Variants in ADAMTSL1 observed in about 807,000 individuals in gnomAD.
ADAMTSL1 encodes ADAMTS-like protein 1.
In ADAMTSL1, 126 loss-of-function variants were observed where a neutral mutation model predicts 201.8. The observed-to-expected ratio is 0.62, with a 90% CI of 0.54 to 0.72. The LOEUF (loss-of-function observed/expected upper bound fraction) is 0.72. ADAMTSL1 is among the 30% of genes least tolerant of loss of function. The pLI, the probability that ADAMTSL1 is intolerant of heterozygous loss-of-function variation, is 0.00. For missense variants in ADAMTSL1, 2,679 were observed against 2,277.8 expected, an observed-to-expected ratio of 1.18 and a Z score of -3.59; for synonymous variants, 1,121 against 903.4, an observed-to-expected ratio of 1.24 and a Z score of -4.32.
At chr9:18,386,643 A>G (rs561891723) in intron 2 of ADAMTSL1, among the ~76,000 whole-genome samples, 3 of 152,196 alleles carry the variant, frequency 2.0e-5, no homozygotes, top group South Asian at 4.1e-4. Context: ...TATTCCTTAT[A>G]TGCTTACCTA....
chr9:18,389,137 A>G (rs956926990), intron 2 of ADAMTSL1, among the ~76,000 whole-genome samples: 1 of 151,714 alleles, frequency 6.6e-6, no homozygotes, highest in Non-Finnish European at 1.5e-5. Context: ...CTTAAATGAT[A>G]TAGAGATCTC....
chr9:18,099,323 GA>G (rs1824387402), intron 1 of ADAMTSL1, among the ~76,000 whole-genome samples: 1 of 63,686 alleles, frequency 1.6e-5, no homozygotes. Context: ...GCTGCAAATG[GA>G]AAATATATAT....
chr9:18,643,180 T>G (rs1267467437), intron 7 of ADAMTSL1, among the ~76,000 whole-genome samples: 1 of 152,112 alleles, frequency 6.6e-6, no homozygotes, highest in Non-Finnish European at 1.5e-5. Flanking sequence ...TTAATGATGT[T>G]GAGCATTTTT....
chr9:17,928,506 T>C (rs967135006), intron 1 of ADAMTSL1, among the ~76,000 whole-genome samples: 3 of 152,216 alleles, frequency 2.0e-5, no homozygotes, highest in Non-Finnish European at 2.9e-5. Context: ...GGAGGATTCT[T>C]GTGTTTAGTC....
rs79897491 is a variant in ADAMTSL1 at position 18,833,177 on chromosome 9, A to C, written c.4249+3200A>C. Among the ~76,000 whole-genome samples the C allele has an allele frequency of 4.4e-3, 672 of 152,360 alleles. 31 individuals carry two copies. In the East Asian group the frequency reaches 0.094, roughly 21 times the overall value. On this transcript the variant is annotated intron_variant, in intron 23 of 28. Transcript: ENST00000380548. ...ATAAAAATGAAACCTTGGGACTAGCAAGTGCTTGTTGCTCTCATACTCTTG... is the reference window on the plus strand; with the variant it reads ...ATAAAAATGAAACCTTGGGACTAGCCAGTGCTTGTTGCTCTCATACTCTTG...
At chr9:18,842,016 G>GT (rs1413115308) in intron 23 of ADAMTSL1, among the ~76,000 whole-genome samples, 8 of 151,254 alleles carry the variant, frequency 5.3e-5, no homozygotes, top group Non-Finnish European at 8.9e-5. Flanking sequence ...TTTTTGAAGG[G>GT]TTTTTTGTGT....
At chr9:18,142,848 G>C (rs1826459880) in intron 1 of ADAMTSL1, among the ~76,000 whole-genome samples, 1 of 152,230 alleles carries the variant, frequency 6.6e-6, no homozygotes. Context: ...GGCAGGGATA[G>C]AGTTCAAATC....
At chr9:18,140,991 G>C (rs1210580700) in intron 1 of ADAMTSL1, among the ~76,000 whole-genome samples, 1 of 152,190 alleles carries the variant, frequency 6.6e-6, no homozygotes, top group African/African-American at 2.4e-5. Flanking sequence ...TGAAAAGAGA[G>C]TGAGCACCAG....
At chr9:18,135,323 A>T (rs1349315818) in intron 1 of ADAMTSL1, among the ~76,000 whole-genome samples, 5 of 152,232 alleles carry the variant, frequency 3.3e-5, no homozygotes, top group Non-Finnish European at 4.4e-5. Flanking sequence ...AACAGTGTTC[A>T]TTAATAAGAT....
intron 2 of ADAMTSL1, among the ~76,000 whole-genome samples, chr9:18,172,728 A>G (rs1442987499): frequency 6.6e-6 from 1 of 152,134 alleles, no homozygotes; most frequent in African/African-American, 2.4e-5. Flanking sequence ...CAGAAGGTAA[A>G]TGGGAGAATA....
intron 15 of ADAMTSL1, among the ~76,000 whole-genome samples, chr9:18,732,848 T>TA (rs1818294108): frequency 6.6e-6 from 1 of 152,214 alleles, no homozygotes; most frequent in Non-Finnish European, 1.5e-5. Context: ...GCTTCCCTAA[T>TA]AGCTTCTATT....
At chr9:18,172,220 T>A (rs1204946309) in intron 2 of ADAMTSL1, among the ~76,000 whole-genome samples, 3 of 151,930 alleles carry the variant, frequency 2.0e-5, no homozygotes, top group African/African-American at 7.3e-5. Context: ...GGCACGTGTA[T>A]ACCTAGGTAA....
chr9:18,386,792 T>C, intron 2 of ADAMTSL1, among the ~76,000 whole-genome samples: 1 of 152,214 alleles, frequency 6.6e-6, no homozygotes, highest in East Asian at 1.9e-4. Flanking sequence ...AGAATTTCTT[T>C]GCTGTTTTGG....
chr9:18,770,058 A>C (rs757370780), intron 16 of ADAMTSL1, among the ~76,000 whole-genome samples: 7 of 152,194 alleles, frequency 4.6e-5, no homozygotes, highest in Non-Finnish European at 1.0e-4. Context: ...GCCCTAAGAA[A>C]TCATCAGTCC....
intron 1 of ADAMTSL1, among the ~76,000 whole-genome samples, chr9:18,124,401 A>C (rs956886744): frequency 6.6e-6 from 1 of 152,068 alleles, no homozygotes; most frequent in Non-Finnish European, 1.5e-5. Context: ...TATCTTTGGG[A>C]AAATATCTAT....
chr9:18,340,566 C>T (rs1217870121), intron 2 of ADAMTSL1, among the ~76,000 whole-genome samples: 1 of 152,138 alleles, frequency 6.6e-6, no homozygotes, highest in African/African-American at 2.4e-5. Context: ...GTCTCTGTCT[C>T]CCTACCCAAC....
chr9:18,759,795 C>T (rs1246952218), intron 16 of ADAMTSL1, among the ~76,000 whole-genome samples: 1 of 152,174 alleles, frequency 6.6e-6, no homozygotes, highest in Non-Finnish European at 1.5e-5. Flanking sequence ...AGTGTACACC[C>T]CTTGTACTTC....
At chr9:18,460,670 T>C (rs1328075471) in intron 2 of ADAMTSL1, among the ~76,000 whole-genome samples, 1 of 152,222 alleles carries the variant, frequency 6.6e-6, no homozygotes, top group African/African-American at 2.4e-5. Flanking sequence ...CTTCTTTTCA[T>C]TGCTTTCATA....
intron 1 of ADAMTSL1, among the ~76,000 whole-genome samples, chr9:18,104,605 G>T (rs576099324): frequency 4.6e-5 from 7 of 152,106 alleles, no homozygotes; most frequent in Admixed American, 2.0e-4. Flanking sequence ...AGGGAGGGAA[G>T]GTAGGGAGGG....
Sources: gnomAD v4.1 joint callset for allele counts (sites outside exome capture counted in the v4.1 genomes callset) on GRCh38, gnomAD v4.1.1 for gene constraint, MANE v1.5 for transcripts, NCBI Gene and HGNC (gene_info 2026-07-23, HGNC 2026-07-21) for gene names.